Variants in ELL observed in about 807,000 individuals in gnomAD.
ELL encodes the protein RNA polymerase II elongation factor ELL.
A neutral mutation model predicts 64.0 loss-of-function variants in ELL; 18 were observed. The observed-to-expected ratio is 0.28, with a 90% CI of 0.19 to 0.42. The LOEUF (loss-of-function observed/expected upper bound fraction) is 0.42, where lower values mean the gene tolerates loss of function less well. Ranked by LOEUF, ELL falls within the 10% of genes least tolerant of loss-of-function variation. ELL has a pLI of 1.00. For missense variants in ELL, 797 were observed against 870.4 expected (o/e 0.92, Z 1.06); for synonymous variants, 399 against 376.2 (o/e 1.06, Z -0.70).
In ELL at chr19:18,450,661, C is replaced by A. The variant is rs1376089056; in HGVS notation, c.1281G>T (p.Leu427=). The A allele has an allele frequency of 6.3e-7, 1 of 1,591,470 alleles. No individual in the cohort carries two copies. The highest frequency in any genetic ancestry group is 8.5e-7 in the Non-Finnish European group (1 of 1,169,732). Residue 427 remains leucine, a synonymous_variant, in exon 8 of 12, where the codon CTG becomes CTT. Transcript: ENST00000262809. ...GCTGGGCACAGTCCGTCAGCAGGGGCAGGCCGAGGCGCACAGTGGGGGCTG... is the reference window on the plus strand; with the variant it reads ...GCTGGGCACAGTCCGTCAGCAGGGGAAGGCCGAGGCGCACAGTGGGGGCTG... ...AAPAPTVRLG[L]PLLTDCAQPS...
intron 1 of ELL, among the ~76,000 whole-genome samples, chr19:18,502,843 G>A (rs547640747): frequency 2.6e-5 from 4 of 152,344 alleles, no homozygotes; most frequent in South Asian, 2.1e-4. Context: ...CCATCAATGC[G>A]GAATCCAAAA....
intron 1 of ELL, among the ~76,000 whole-genome samples, chr19:18,492,595 A>G (rs2144955774): frequency 6.6e-6 from 1 of 152,322 alleles, no homozygotes; most frequent in East Asian, 1.9e-4. Flanking sequence ...AAAAGAGTCA[A>G]TCTGTTACTG....
At chr19:18,475,493 G>A (rs1168080801) in intron 1 of ELL, among the ~76,000 whole-genome samples, 7 of 151,940 alleles carry the variant, frequency 4.6e-5, no homozygotes, top group Admixed American at 2.0e-4. Context: ...ATTCCACCCC[G>A]GGTATACACC....
intron 1 of ELL, among the ~76,000 whole-genome samples, chr19:18,507,688 G>A (rs1163057430): frequency 6.6e-6 from 1 of 152,228 alleles, no homozygotes; most frequent in African/African-American, 2.4e-5. Context: ...TCTTACTGGA[G>A]AAACACTCCT....
At position 18,465,554 on chromosome 19, in the gene ELL, G is replaced by C; in HGVS notation, c.327C>G (p.Asp109Glu). Residue 109 changes from aspartate (D) to glutamate (E), a missense_variant, in exon 4 of 12, where the codon GAC (aspartate) becomes GAG (glutamate). Asp to Glu is a conservative substitution (Grantham distance 45). Coordinates refer to ENST00000262809, the MANE Select transcript of ELL (RefSeq NM_006532.4). ...YVSSHGEVHL[D>E]CLGSIQDKIT... ...TCTTGTCCTGTATGCTGCCCAGGCA[G>C]TCCAGGTGAACTTCCCCATGACTGC... is the stretch of plus-strand genomic sequence containing the variant. 6.3e-7 allele frequency: 1 copy of C among 1,599,638 alleles called. No individual in the cohort carries two copies. The highest frequency in any genetic ancestry group is 8.6e-7 in the Non-Finnish European group (1 of 1,169,212).
intron 1 of ELL, among the ~76,000 whole-genome samples, chr19:18,520,774 T>C (rs1436382837): frequency 8.0e-6 from 1 of 125,434 alleles, no homozygotes; most frequent in East Asian, 2.6e-4. Flanking sequence ...AGCAGGGCTC[T>C]CTGAGCCCGA....
intron 1 of ELL, among the ~76,000 whole-genome samples, chr19:18,520,428 C>T (rs907930493): frequency 2.6e-5 from 4 of 152,104 alleles, no homozygotes; most frequent in Non-Finnish European, 5.9e-5. Flanking sequence ...CCTGCAGGGG[C>T]GCCTTAGCCT....
At position 18,472,886 on chromosome 19, in the gene ELL, T is replaced by TA. The variant is rs748950436; in HGVS notation, c.136-5dup. ...ATGGCCTCAGTGAAACAGAATCCTA[T>TA]AAAAAAAAAAAAAAAAAAAAAAAGG... On this transcript the variant is annotated splice_region_variant and splice_polypyrimidine_tract_variant and intron_variant, in intron 1 of 11. Coordinates refer to ENST00000262809, the MANE Select transcript of ELL (RefSeq NM_006532.4). 0.086 allele frequency: 101,362 copies of TA among 1,183,970 alleles called. 247 individuals carry two copies. The highest frequency in any genetic ancestry group is 0.17 in the African/African-American group (6,574 of 38,628). 73.3% of individuals were successfully genotyped at this position (1,183,970 alleles called of 1,614,324 possible). A position where few individuals can be genotyped will look rare whatever the true frequency, so the allele number is the denominator to read the frequency against.
rs528401067 is a variant in ELL at position 18,491,003 on chromosome 19, C to T, written c.136-18121G>A. Among the ~76,000 whole-genome samples, 3 of 152,268 alleles carry T rather than the reference C, an allele frequency of 2.0e-5. No individual in the cohort carries two copies. In the South Asian group the frequency reaches 6.2e-4, roughly 32 times the overall value. ...CATCAATGTGGTTAGGCTACAGTAT[C>T]CAGCTGTTTGGCCAAACAACAGTCT... On this transcript the variant is annotated intron_variant, in intron 1 of 11. Transcript: ENST00000262809.
chr19:18,463,325 CTTTTTT>C (rs34610795), intron 4 of ELL, among the ~76,000 whole-genome samples: 2 of 73,272 alleles, frequency 2.7e-5, no homozygotes, highest in African/African-American at 8.5e-5. Context: ...ACATTCACAT[CTTTTTT>C]TTTTTTTTTT....
At chr19:18,476,823 C>T (rs1412688021) in intron 1 of ELL, among the ~76,000 whole-genome samples, 1 of 152,110 alleles carries the variant, frequency 6.6e-6, no homozygotes, top group African/African-American at 2.4e-5. Context: ...TCACTCCTAA[C>T]ATCACGCACG....
At chr19:18,505,209 C>G (rs954029808) in intron 1 of ELL, among the ~76,000 whole-genome samples, 1 of 152,232 alleles carries the variant, frequency 6.6e-6, no homozygotes, top group Non-Finnish European at 1.5e-5. Context: ...CTCCCCTCCC[C>G]TCTCCTCTGT....
In ELL at chr19:18,451,029, A is replaced by G. The variant is rs1224639801; in HGVS notation, c.967-54T>C. The G allele has an allele frequency of 1.0e-5, 15 of 1,476,112 alleles. No individual in the cohort carries two copies. The East Asian group carries it at 2.8e-4, about 28-fold the overall frequency. 91.4% of individuals were successfully genotyped at this position (1,476,112 alleles called of 1,614,324 possible). On this transcript the variant is annotated intron_variant, in intron 7 of 11. Transcript: ENST00000262809. Reference sequence around the variant, plus strand: ...GGGAGCACAGAGTGGCTGAGCAGCAACAGGCAATCCCCTGGCCTGGCTAGA... The same window carrying G: ...GGGAGCACAGAGTGGCTGAGCAGCAGCAGGCAATCCCCTGGCCTGGCTAGA...
chr19:18,512,482 T>C (rs1274273819), intron 1 of ELL, among the ~76,000 whole-genome samples: 1 of 148,128 alleles, frequency 6.8e-6, no homozygotes, highest in Admixed American at 6.7e-5. Context: ...TACAAAAACA[T>C]ACAAAAAGCA....
At position 18,461,682 on chromosome 19, in the gene ELL, G is replaced by C; in HGVS notation, c.640C>G (p.Leu214Val). 6.2e-7 allele frequency: 1 copy of C among 1,613,498 alleles called. No individual in the cohort carries two copies. ...TTGCGGTAGGGCCGTAGTGCCAGGA[G>C]GTGCAGCACTCGGTCACGGAAGGGC... ...QRPFRDRVLH[L>V]LALRPYRKAE... The change falls in exon 5 of 12, where the codon CTC (leucine) becomes GTC (valine). Residue 214 changes from leucine (L) to valine (V), a missense_variant. Transcript: ENST00000262809.
At chr19:18,444,911 G>A (rs963090614) in intron 11 of ELL, 43 bp from the exon 12 acceptor site, 1 of 1,574,904 alleles carries the variant, frequency 6.3e-7, no homozygotes, top group Non-Finnish European at 8.6e-7. Context: ...GCCGCCCTGG[G>A]TGCTGCTCCC....
In ELL at chr19:18,443,940, T is replaced by A. The variant is rs868244222; in HGVS notation, c.*812A>T. 18 of 232,538 alleles carry A rather than the reference T, an allele frequency of 7.7e-5. No homozygotes were observed. Among genetic ancestry groups the A allele is most frequent in the Middle Eastern group, 1.3e-3 (1 of 796 alleles). 14.4% of individuals were successfully genotyped at this position (232,538 alleles called of 1,614,324 possible). ...AGCAACAAATGGGAAACCGAGGACA[T>A]CGCAAAGAAAAGTCTGACGCCGCTG... On this transcript the variant is annotated 3_prime_UTR_variant, in exon 12 of 12. Coordinates refer to ENST00000262809, the MANE Select transcript of ELL (RefSeq NM_006532.4).
chr19:18,463,032 C>T (rs895685579), intron 4 of ELL, among the ~76,000 whole-genome samples: 2 of 152,228 alleles, frequency 1.3e-5, no homozygotes, highest in Non-Finnish European at 2.9e-5. Flanking sequence ...GATGCCCCGG[C>T]ATCCTTGGGA....
At chr19:18,472,689 C>T in intron 2 of ELL, 146 bp downstream of exon 2, 3 of 990,688 alleles carry the variant, frequency 3.0e-6, no homozygotes, top group Non-Finnish European at 4.5e-6. Flanking sequence ...AGGGGCTATC[C>T]TGGGGGCCTA....
Sources: allele counts gnomAD v4.1 joint callset (sites outside exome capture counted in the v4.1 genomes callset), GRCh38; gene constraint gnomAD v4.1.1; transcripts MANE v1.5; gene names NCBI Gene and HGNC (gene_info 2026-07-23, HGNC 2026-07-21).